The following DNAJC6 variants were observed in gnomAD, a reference collection of about 807,000 sequenced individuals.
DNAJC6 encodes DnaJ heat shock protein family (Hsp40) member C6, also known as auxilin.
In DNAJC6, 34 loss-of-function variants were observed where a neutral mutation model predicts 110.0. The observed-to-expected ratio is 0.31, with a 90% CI of 0.24 to 0.41. The LOEUF is 0.41. Ranked by LOEUF, DNAJC6 falls within the 10% of genes least tolerant of loss-of-function variation. The pLI is 1.00. For missense variants in DNAJC6, 1,031 were observed against 1,207.8 expected (o/e 0.85, Z 2.17); for synonymous variants, 406 against 437.2 (o/e 0.93, Z 0.89).
intron 1 of DNAJC6, among the ~76,000 whole-genome samples, chr1:65,276,301 G>A (rs1486461088): frequency 6.6e-6 from 1 of 152,168 alleles, no homozygotes; most frequent in Admixed American, 6.5e-5. Flanking sequence ...CCACTTGTGA[G>A]TCTTTTTATC....
At chr1:65,301,311 T>G (rs898245892) in intron 1 of DNAJC6, among the ~76,000 whole-genome samples, 1 of 151,562 alleles carries the variant, frequency 6.6e-6, no homozygotes, top group Non-Finnish European at 1.5e-5. Context: ...GCTTCTGTGA[T>G]CAAATGGGCA....
intron 1 of DNAJC6, 35 bp downstream of exon 1, chr1:65,309,973 C>T: frequency 7.3e-7 from 1 of 1,365,074 alleles, no homozygotes; most frequent in Non-Finnish European, 9.4e-7. Context: ...GCGCTGAGCC[C>T]CGCGCGGCCT....
At chr1:65,392,362 A>G in intron 11 of DNAJC6, 69 bp from the exon 12 acceptor site, 4 of 1,382,200 alleles carry the variant, frequency 2.9e-6, no homozygotes, top group Non-Finnish European at 3.9e-6. Flanking sequence ...TTATATACAT[A>G]TATTATAACA....
chr1:65,384,320 A>G lies in DNAJC6; in HGVS notation c.794A>G (p.His265Arg), dbSNP rs762817622. 3.8e-6 allele frequency: 6 copies of G among 1,560,624 alleles called. No individual in the cohort carries two copies. The highest frequency in any genetic ancestry group is 2.6e-6 in the Non-Finnish European group (3 of 1,156,958). ...CCAGGAATTGGACTTTCACCATCCC[A>G]TAGGAGGTAAAGTAAGCTAGATGCA... Reference protein sequence around the residue: ...KRPGIGLSPSHRRYLGYMCDL... With the variant: ...KRPGIGLSPSRRRYLGYMCDL... The change falls in exon 6 of 19, where the codon CAT becomes CGT. Residue 265 changes from histidine (H) to arginine (R), a missense_variant. By Grantham distance (29) the His-to-Arg change is conservative. Coordinates refer to ENST00000371069, the MANE Select transcript of DNAJC6 (RefSeq NM_001256864.2).
intron 1 of DNAJC6, among the ~76,000 whole-genome samples, chr1:65,325,731 C>T (rs556291862): frequency 5.0e-4 from 76 of 152,248 alleles, no homozygotes; most frequent in African/African-American, 1.7e-3. Flanking sequence ...TTCTGAGAAA[C>T]GCATCTTTGG....
intron 1 of DNAJC6, among the ~76,000 whole-genome samples, chr1:65,355,416 T>C (rs916276352): frequency 2.0e-5 from 3 of 152,160 alleles, no homozygotes; most frequent in African/African-American, 7.2e-5. Context: ...CGAGAAAGCC[T>C]GACTCATTGG....
chr1:65,322,721 T>C (rs532776926), intron 1 of DNAJC6, among the ~76,000 whole-genome samples: 2 of 152,350 alleles, frequency 1.3e-5, no homozygotes, highest in East Asian at 3.9e-4. Context: ...TTTCTAACAG[T>C]ATATGAGACT....
chr1:65,336,211 G>C (rs115658309), intron 1 of DNAJC6, among the ~76,000 whole-genome samples: 11,046 of 152,128 alleles, frequency 0.073, 653 homozygotes, highest in East Asian at 0.23. Context: ...TCATGCAGCA[G>C]CAGCAAGGAG....
rs767524344 is a variant in DNAJC6 at position 65,398,766 on chromosome 1, G to T, written c.2039-47G>T. 6 of 1,601,566 alleles carry T rather than the reference G, an allele frequency of 3.7e-6. No homozygotes were observed. The South Asian group carries it at 6.6e-5, about 18-fold the overall frequency. On this transcript the variant is annotated intron_variant, in intron 13 of 18. Coordinates refer to ENST00000371069, the MANE Select transcript of DNAJC6 (RefSeq NM_001256864.2). ...ATCCTGTGTGAACTCAGAAAAGTGG[G>T]TTCTGAGCTCTCTTGTTCTCATTCT...
At chr1:65,270,292 GTA>G (rs906425315) in intron 1 of DNAJC6, among the ~76,000 whole-genome samples, 1 of 151,744 alleles carries the variant, frequency 6.6e-6, no homozygotes, top group African/African-American at 2.4e-5. Context: ...AAACGTATAT[GTA>G]TATATATATA....
intron 4 of DNAJC6, among the ~76,000 whole-genome samples, chr1:65,376,780 A>G (rs987892048): frequency 2.6e-5 from 4 of 151,702 alleles, no homozygotes; most frequent in Non-Finnish European, 2.9e-5. Context: ...TTATTTATTT[A>G]TTTTTTTGAG....
intron 1 of DNAJC6, among the ~76,000 whole-genome samples, chr1:65,297,182 C>T (rs914017117): frequency 2.6e-5 from 4 of 152,056 alleles, no homozygotes; most frequent in African/African-American, 9.7e-5. Flanking sequence ...CACAACAAAG[C>T]TCTTTGTCTG....
intron 14 of DNAJC6, among the ~76,000 whole-genome samples, chr1:65,400,254 ACAC>A (rs1254207422): frequency 2.6e-5 from 4 of 152,232 alleles, no homozygotes; most frequent in Non-Finnish European, 4.4e-5. Flanking sequence ...GTTTTGAAGT[ACAC>A]ATACACTGTG....
chr1:65,268,768 G>A (rs1406489028), intron 1 of DNAJC6, among the ~76,000 whole-genome samples: 1 of 152,128 alleles, frequency 6.6e-6, no homozygotes, highest in East Asian at 1.9e-4. Context: ...CTTAGAAAAT[G>A]ATGGCTTTTG....
Position 65,387,065 on chromosome 1 carries a change from T to C in DNAJC6, c.1113+136T>C, listed in dbSNP as rs890375333. 28 of 740,368 alleles carry C rather than the reference T, an allele frequency of 3.8e-5. No individual in the cohort carries two copies. The Admixed American group carries it at 4.9e-4, about 13-fold the overall frequency. 45.9% of individuals were successfully genotyped at this position (740,368 alleles called of 1,614,324 possible). A position where few individuals can be genotyped will look rare whatever the true frequency, so the allele number is the denominator to read the frequency against. ...TGAAAAAGAGCGTTTAAAGATTGCT[T>C]AGCTCACCTCCTTCATCTTACAGGG... On this transcript the variant is annotated intron_variant, in intron 8 of 18. Transcript: ENST00000371069.
intron 3 of DNAJC6, 55 bp downstream of exon 3, chr1:65,365,989 A>G: frequency 3.1e-6 from 5 of 1,612,794 alleles, no homozygotes; most frequent in Non-Finnish European, 3.4e-6. Context: ...GTTGCTGCCC[A>G]TCGTTATAGC....
intron 1 of DNAJC6, among the ~76,000 whole-genome samples, chr1:65,283,360 T>C (rs1376815974): frequency 6.6e-6 from 1 of 152,188 alleles, no homozygotes; most frequent in Non-Finnish European, 1.5e-5. Context: ...TTTATAATTA[T>C]GTTATTTCAT....
chr1:65,279,665 G>C (rs1653782955), intron 1 of DNAJC6: 1 of 152,162 alleles, frequency 6.6e-6, no homozygotes, highest in Admixed American at 6.5e-5. Context: ...TAGATGTTGG[G>C]TTTCCAGAGT....
chr1:65,301,122 C>T (rs561690311), intron 1 of DNAJC6, among the ~76,000 whole-genome samples: 26 of 152,298 alleles, frequency 1.7e-4, no homozygotes, highest in Admixed American at 4.6e-4. Flanking sequence ...AGAAGTCGAT[C>T]ACAGAACCAG....
Sources: gnomAD v4.1 joint callset for allele counts (sites outside exome capture counted in the v4.1 genomes callset) on GRCh38, gnomAD v4.1.1 for gene constraint, MANE v1.5 for transcripts, NCBI Gene and HGNC (gene_info 2026-07-23, HGNC 2026-07-21) for gene names.